The following PROSER3 variants were observed in gnomAD, a reference collection of about 807,000 sequenced individuals.
The protein encoded by PROSER3 is proline and serine-rich protein 3.
A neutral mutation model predicts 50.2 loss-of-function variants in PROSER3; 33 were observed. The observed-to-expected ratio is 0.66, with a 90% CI of 0.50 to 0.88. The LOEUF is 0.88. Among genes scored for constraint, PROSER3 ranks in the 40% least tolerant of loss-of-function variants. PROSER3 has a pLI of 0.00. For synonymous variants in PROSER3, 266 were observed against 259.3 expected, an observed-to-expected ratio of 1.03 and a Z score of -0.25; for missense variants, 623 against 612.7, an observed-to-expected ratio of 1.02 and a Z score of -0.18.
intron 3 of PROSER3, among the ~76,000 whole-genome samples, chr19:35,761,477 G>C (rs1236203915): frequency 6.6e-6 from 1 of 152,156 alleles, no homozygotes; most frequent in Non-Finnish European, 1.5e-5. Flanking sequence ...TTTGAGACCA[G>C]CCTGACCAAC....
At chr19:35,766,123 G>C (rs971433096) in intron 7 of PROSER3, among the ~76,000 whole-genome samples, 1 of 152,156 alleles carries the variant, frequency 6.6e-6, no homozygotes, top group Non-Finnish European at 1.5e-5. Flanking sequence ...CTATTTAAGA[G>C]TCCAGGTTGG....
chr19:35,768,578 CT>C (rs113059159), exon 11 of PROSER3: 73,521 of 1,149,848 alleles, frequency 0.064, 3 homozygotes, highest in South Asian at 0.092. Flanking sequence ...CAGTGAGGCT[CT>C]TTTTTTTTTT....
exon 1 of PROSER3, chr19:35,758,210 C>A (rs372100420): frequency 2.6e-6 from 4 of 1,561,652 alleles, no homozygotes; most frequent in African/African-American, 1.4e-5. Flanking sequence ...CGGAGGGAGC[C>A]GCGGGATGGA....
intron 2 of PROSER3, 90 bp downstream of exon 2, chr19:35,759,560 G>A: frequency 7.9e-7 from 1 of 1,262,380 alleles, no homozygotes; most frequent in Non-Finnish European, 1.1e-6. Flanking sequence ...TGAGAGATAG[G>A]GATGAGAGAT....
At chr19:35,762,561 AAAG>A (rs1911357711) in intron 5 of PROSER3, 14 of 490,190 alleles carry the variant, frequency 2.9e-5, no homozygotes, top group South Asian at 1.3e-4. Context: ...AAAAAAAAAA[AAAG>A]AGAGAGAGAG....
Position 35,767,733 on chromosome 19 carries a change from C to T in PROSER3, c.958-71C>T, listed in dbSNP as rs1346203856. ...CCCCCTCCACCCAAGGCTGGATCTC[C>T]GAAAGTCCAGGCCACACAACCCCAA... is the stretch of plus-strand genomic sequence containing the variant. On this transcript the variant is annotated intron_variant, in intron 8 of 10. Transcript: ENST00000396908. The T allele has an allele frequency of 5.9e-6, 9 of 1,536,840 alleles. No homozygotes were observed. The East Asian group carries it at 1.1e-4, about 19-fold the overall frequency.
intron 1 of PROSER3, chr19:35,758,917 C>T (rs1013410600): frequency 1.9e-5 from 3 of 157,248 alleles, no homozygotes; most frequent in East Asian, 3.8e-4. Context: ...GATCCACCCG[C>T]CTCGGTGTAA....
At chr19:35,770,226 C>T (rs1014811092), downstream of PROSER3, among the ~76,000 whole-genome samples, 2 of 151,978 alleles carry the variant, frequency 1.3e-5, no homozygotes, top group African/African-American at 4.8e-5. Flanking sequence ...TTAGTAGAGA[C>T]GAGGTTTCAC....
chr19:35,761,934 T>G, intron 3 of PROSER3, 85 bp from the exon 4 acceptor site: 5 of 1,412,714 alleles, frequency 3.5e-6, no homozygotes, highest in Non-Finnish European at 4.7e-6. Context: ...GCCATGGTGC[T>G]TGGTAAACGT....
Position 35,758,534 on chromosome 19 carries a change from C to T in PROSER3, c.11+308C>T, listed in dbSNP as rs1399497617. The T allele has an allele frequency of 2.5e-5, 9 of 360,264 alleles. No individual in the cohort carries two copies. In the East Asian group the frequency reaches 3.3e-4, roughly 13 times the overall value. 22.3% of individuals were successfully genotyped at this position (360,264 alleles called of 1,614,324 possible). On this transcript the variant is annotated intron_variant, in intron 1 of 10. Transcript: ENST00000396908. Reference sequence around the variant, plus strand: ...GAAATGGCCCCCAGACACGCCTGGGCGTTGTCTTTGAACTTTCTCGCGGAG... The same window carrying T: ...GAAATGGCCCCCAGACACGCCTGGGTGTTGTCTTTGAACTTTCTCGCGGAG...
At chr19:35,762,140 G>A (rs774191184) in exon 4 of PROSER3, 1 of 1,597,692 alleles carries the variant, frequency 6.3e-7, no homozygotes. Context: ...CAGTCAAAGT[G>A]CAGCAGGTAC....
intron 4 of PROSER3, 49 bp from the exon 5 acceptor site, chr19:35,762,204 C>A: frequency 6.3e-7 from 1 of 1,596,802 alleles, no homozygotes; most frequent in East Asian, 2.3e-5. Flanking sequence ...GATCAATGCC[C>A]CCAGCAGCCA....
chr19:35,765,676 C>T (rs1471820013), intron 7 of PROSER3, among the ~76,000 whole-genome samples: 2 of 152,072 alleles, frequency 1.3e-5, no homozygotes, highest in South Asian at 4.1e-4. Context: ...TACAGGCATG[C>T]ACCACTATGC....
exon 8 of PROSER3, chr19:35,766,779 C>G (rs764879856): frequency 1.3e-6 from 2 of 1,548,734 alleles, no homozygotes; most frequent in East Asian, 2.4e-5. Context: ...ATCCCCGGCA[C>G]CAGCCCAGGC....
At chr19:35,768,806 C>T (rs1256993695) in exon 11 of PROSER3, 1 of 328,346 alleles carries the variant, frequency 3.0e-6, no homozygotes, top group African/African-American at 2.2e-5. Context: ...TGGGACCCAC[C>T]TTATCTGGCT....
chr19:35,761,596 G>A (rs1212800918), intron 3 of PROSER3, among the ~76,000 whole-genome samples: 1 of 152,164 alleles, frequency 6.6e-6, no homozygotes, highest in East Asian at 1.9e-4. Flanking sequence ...AGGAGGCAGA[G>A]GTTGCAGTGA....
intron 5 of PROSER3, chr19:35,762,942 G>A (rs1345895878): frequency 3.3e-5 from 5 of 149,832 alleles, no homozygotes; most frequent in African/African-American, 1.2e-4. Flanking sequence ...TGAGGCAGGA[G>A]AATTGCTTGA....
At chr19:35,762,439 T>G in intron 5 of PROSER3, 83 bp downstream of exon 5, 5 of 1,306,902 alleles carry the variant, frequency 3.8e-6, no homozygotes, top group Non-Finnish European at 5.4e-6. Context: ...TCAGGAGCAG[T>G]GGCTCACACC....
rs372740276 is a variant in PROSER3, at chr19:35,766,884, C to T, written c.886C>T (p.Leu296Phe). Reference sequence around the variant, plus strand: ...GTACCAGTGGCGGCAGCGGCGGAAGCTTGAACAGGCTCAGGGAAGCAAGGG... The same window carrying T: ...GTACCAGTGGCGGCAGCGGCGGAAGTTTGAACAGGCTCAGGGAAGCAAGGG... The change falls in exon 8 of 11, where the codon CTT becomes TTT. Residue 296 changes from leucine (L) to phenylalanine (F), a missense_variant. Physicochemically the swap from Leu to Phe is conservative, Grantham distance 22. This residue lies in a region of PROSER3 where 380 missense variants were observed against 346.8 expected (regional missense o/e 1.10). Coordinates refer to ENST00000396908, the Ensembl canonical transcript of PROSER3. The T allele has an allele frequency of 2.6e-6, 4 of 1,552,306 alleles. No homozygotes were observed. The South Asian group carries it at 3.6e-5, about 14-fold the overall frequency.
Sources: allele counts gnomAD v4.1 joint callset (sites outside exome capture counted in the v4.1 genomes callset), GRCh38; gene constraint gnomAD v4.1.1; regional missense constraint gnomAD v4.1.1; transcripts MANE v1.5; gene names NCBI Gene and HGNC (gene_info 2026-07-23, HGNC 2026-07-21).